BCAS3: variants seen among roughly 807,000 people sequenced by gnomAD.
BCAS3 encodes BCAS3 microtubule associated cell migration factor.
A neutral mutation model predicts 116.1 loss-of-function variants in BCAS3; 53 were observed. That is an observed-to-expected ratio of 0.46 (90% CI 0.37 to 0.57). BCAS3 has a LOEUF of 0.57. Among genes scored for constraint, BCAS3 ranks in the 20% least tolerant of loss-of-function variants. BCAS3 has a pLI of 0.00. For synonymous variants in BCAS3, 391 were observed against 408.2 expected (o/e 0.96, Z 0.51); for missense variants, 917 against 1,165.4 (o/e 0.79, Z 3.10).
chr17:60,874,035 C>G lies in BCAS3; in HGVS notation c.585-627C>G, dbSNP rs141843236. Among the ~76,000 whole-genome samples, 568 of 151,752 alleles carry G rather than the reference C, an allele frequency of 3.7e-3. 3 individuals carry two copies. Among genetic ancestry groups the G allele is most frequent in the African/African-American group, 0.013 (540 of 41,356 alleles). ...TATCCATCTTTACTGTAGACTTATTCGATTCAAAAATAAATGAAAACAAAA... is the reference window on the plus strand; with the variant it reads ...TATCCATCTTTACTGTAGACTTATTGGATTCAAAAATAAATGAAAACAAAA... On this transcript the variant is annotated intron_variant, in intron 8 of 23. Coordinates refer to ENST00000407086, the MANE Select transcript of BCAS3 (RefSeq NM_017679.5).
At position 60,832,832 on chromosome 17, in the gene BCAS3, A is replaced by G. The variant is rs201596254; in HGVS notation, c.476+24756A>G. ...CATTATTAGTTCTCCATCTGAGACTAGAACCTAAAAGACATTTCTCTAATC... is the reference window on the plus strand; with the variant it reads ...CATTATTAGTTCTCCATCTGAGACTGGAACCTAAAAGACATTTCTCTAATC... On this transcript the variant is annotated intron_variant, in intron 7 of 23. Transcript: ENST00000407086. Among the ~76,000 whole-genome samples the G allele has an allele frequency of 3.3e-5, 5 of 152,336 alleles. No homozygotes were observed. In the East Asian group the frequency reaches 9.6e-4, roughly 29 times the overall value.
chr17:61,238,889 C>T lies in BCAS3; in HGVS notation c.2426-129438C>T, dbSNP rs185561123. Among the ~76,000 whole-genome samples, 472 of 152,246 alleles carry T rather than the reference C, an allele frequency of 3.1e-3. 12 individuals carry two copies. The highest frequency in any genetic ancestry group is 0.028 in the Admixed American group (430 of 15,288). On this transcript the variant is annotated intron_variant, in intron 22 of 23. Transcript: ENST00000407086. ...CCCAGAGGTGGAAGCCAAATTTCCT[C>T]TCAGGGCCCTGAGGCTAACCTCCTG...
intron 22 of BCAS3, among the ~76,000 whole-genome samples, chr17:61,183,951 T>C (rs1245044083): frequency 6.6e-6 from 1 of 152,220 alleles, no homozygotes; most frequent in Non-Finnish European, 1.5e-5. Flanking sequence ...AGGTATGGTC[T>C]GCAAATGCAG....
intron 11 of BCAS3, among the ~76,000 whole-genome samples, chr17:60,908,459 A>G (rs2058307862): frequency 6.6e-6 from 1 of 152,286 alleles, no homozygotes; most frequent in South Asian, 2.1e-4. Context: ...GCTGTGTTTA[A>G]GTGGGAGCAT....
rs1568277361 is a variant in BCAS3, at chr17:60,799,530, T to TGTTG, written c.404-8474_404-8473insGTTG. 1.3e-4 allele frequency among the ~76,000 whole-genome samples: 17 copies of TGTTG among 130,588 alleles called. 2 individuals are homozygous for TGTTG. Among genetic ancestry groups the TGTTG allele is most frequent in the African/African-American group, 5.6e-4 (17 of 30,210 alleles). 85.7% of individuals were successfully genotyped at this position (130,588 alleles called of 152,430 possible). On this transcript the variant is annotated intron_variant, in intron 6 of 23. Transcript: ENST00000407086. The stretch of plus-strand genomic sequence containing the variant: ...TTTTTTGAGATTAGTGTTTGTTTTT[T>TGTTG]TTTTTTTTTTTTTTTGGAGACAGAG...
At chr17:61,149,102 G>A (rs1427069284) in intron 22 of BCAS3, among the ~76,000 whole-genome samples, 2 of 151,640 alleles carry the variant, frequency 1.3e-5, no homozygotes, top group African/African-American at 2.4e-5. Context: ...TCAAAGAGTG[G>A]CAAAAATATT....
intron 14 of BCAS3, among the ~76,000 whole-genome samples, chr17:60,975,979 G>A (rs2062320371): frequency 6.7e-6 from 1 of 149,030 alleles, no homozygotes. Context: ...CCACATTTGG[G>A]CTTAGGAATC....
chr17:61,016,293 C>T (rs907192627), intron 16 of BCAS3, among the ~76,000 whole-genome samples: 2 of 152,166 alleles, frequency 1.3e-5, no homozygotes, highest in Admixed American at 6.5e-5. Flanking sequence ...CCTTAGATGA[C>T]AACCATCTTT....
chr17:61,084,654 CTT>C lies in BCAS3; in HGVS notation c.2425+92_2425+93del. On this transcript the variant is annotated intron_variant, in intron 22 of 23. Coordinates refer to ENST00000407086, the MANE Select transcript of BCAS3 (RefSeq NM_017679.5). This position sits in a 1 kb window ranked among gnomAD's most constrained non-coding sequence, Gnocchi z 5.5. ...CAATGTAGAGGATGACATTTATTTGCTTTCCTCTCTGTTTTTTTGTTTTGTGG... is the reference window on the plus strand; with the variant it reads ...CAATGTAGAGGATGACATTTATTTGCTCCTCTCTGTTTTTTTGTTTTGTGG... 1 of 1,089,390 alleles carries C rather than the reference CTT, an allele frequency of 9.2e-7. No individual in the cohort carries two copies. The highest frequency in any genetic ancestry group is 1.4e-6 in the Non-Finnish European group (1 of 730,408). 67.5% of individuals were successfully genotyped at this position (1,089,390 alleles called of 1,614,324 possible).
At chr17:61,294,443 C>T (rs1489068728) in intron 22 of BCAS3, among the ~76,000 whole-genome samples, 1 of 152,078 alleles carries the variant, frequency 6.6e-6, no homozygotes, top group Admixed American at 6.5e-5. Context: ...CTAGCCACAG[C>T]GTGGTATTTG....
chr17:61,249,177 C>T lies in BCAS3; in HGVS notation c.2426-119150C>T, dbSNP rs2048187767. The stretch of plus-strand genomic sequence containing the variant: ...TGGCGGGTGCCTGTAATCCCAGCTA[C>T]TCGGGAGGCTGAGGCAGGAGAATCA... On this transcript the variant is annotated intron_variant, in intron 22 of 23. Coordinates refer to ENST00000407086, the MANE Select transcript of BCAS3 (RefSeq NM_017679.5). This position sits in a 1 kb window ranked among gnomAD's most constrained non-coding sequence, Gnocchi z 6.2. Among the ~76,000 whole-genome samples the T allele has an allele frequency of 6.6e-6, 1 of 152,076 alleles. No individual in the cohort carries two copies. Among genetic ancestry groups the T allele is most frequent in the Non-Finnish European group, 1.5e-5 (1 of 68,018 alleles).
rs946118923 is a variant in BCAS3, at chr17:61,229,023, T to C, written c.2426-139304T>C. 6.6e-6 allele frequency among the ~76,000 whole-genome samples: 1 copy of C among 152,156 alleles called. No homozygotes were observed. Among genetic ancestry groups the C allele is most frequent in the Admixed American group, 6.5e-5 (1 of 15,282 alleles). ...CCACTCCAGTGAGCACAGAAGAAAG[T>C]AAAACAGCCTTGCTTCTGAGATGGA... is the stretch of plus-strand genomic sequence containing the variant. On this transcript the variant is annotated intron_variant, in intron 22 of 23. Coordinates refer to ENST00000407086, the MANE Select transcript of BCAS3 (RefSeq NM_017679.5). The surrounding 1 kb of genome is among the most constrained non-coding windows in gnomAD (Gnocchi z 4.4).
At chr17:60,744,259 A>T (rs1385563974) in intron 5 of BCAS3, among the ~76,000 whole-genome samples, 3 of 152,154 alleles carry the variant, frequency 2.0e-5, no homozygotes. Flanking sequence ...TCTTTTCAGG[A>T]TCTAGAAAAT....
intron 22 of BCAS3, among the ~76,000 whole-genome samples, chr17:61,247,117 G>A (rs2048033393): frequency 6.6e-6 from 1 of 152,066 alleles, no homozygotes; most frequent in African/African-American, 2.4e-5. Flanking sequence ...AATTATCACA[G>A]ATGAATACAT....
chr17:61,108,692 T>C (rs1232979030), intron 22 of BCAS3, among the ~76,000 whole-genome samples: 1 of 151,558 alleles, frequency 6.6e-6, no homozygotes, highest in Non-Finnish European at 1.5e-5. Context: ...ATTTCTGAGA[T>C]TTTTGGTGCA....
intron 1 of BCAS3, 32 bp from the exon 2 acceptor site, chr17:60,679,421 G>T: frequency 6.5e-7 from 1 of 1,530,926 alleles, no homozygotes; most frequent in South Asian, 1.1e-5. Context: ...ATGTTTTTCT[G>T]TTTTTTGTTT....
chr17:61,174,402 A>G (rs1422279296), intron 22 of BCAS3, among the ~76,000 whole-genome samples: 1 of 152,206 alleles, frequency 6.6e-6, no homozygotes, highest in African/African-American at 2.4e-5. Context: ...CACATAATTG[A>G]GATCATAGGT....
chr17:61,280,775 GCGCCGGAGCTAAAGGTTC>G, intron 22 of BCAS3, among the ~76,000 whole-genome samples: 1 of 152,298 alleles, frequency 6.6e-6, no homozygotes, highest in South Asian at 2.1e-4. Flanking sequence ...AAAGTGGGCA[GCGCCGGAGCTAAAGGTTC>G]CGCCAGTTCT....
chr17:60,698,932 C>G (rs974857719), intron 4 of BCAS3, among the ~76,000 whole-genome samples: 1 of 152,100 alleles, frequency 6.6e-6, no homozygotes, highest in Non-Finnish European at 1.5e-5. Context: ...TGGTGGGCAT[C>G]TGTAATCCCA....
Sources: gnomAD v4.1 joint callset for allele counts (sites outside exome capture counted in the v4.1 genomes callset) on GRCh38, gnomAD v4.1.1 for gene constraint, Gnocchi (gnomAD v3.1) non-coding constraint, MANE v1.5 for transcripts, NCBI Gene and HGNC (gene_info 2026-07-23, HGNC 2026-07-21) for gene names.